Variants in RTN3 observed in about 807,000 individuals in gnomAD.
RTN3 encodes the protein reticulon 3, also known as reticulon-3.
Under a neutral mutation model 77.8 loss-of-function variants are expected in RTN3, and 49 were observed. The ratio of observed to expected loss-of-function variants is 0.63; its 90% CI spans 0.50 to 0.80. RTN3 has a LOEUF of 0.80. RTN3 is among the 30% of genes least tolerant of loss of function. The pLI, the probability that RTN3 is intolerant of heterozygous loss-of-function variation, is 0.00. For missense variants in RTN3, 1,236 were observed against 1,211.9 expected, an observed-to-expected ratio of 1.02 and a Z score of -0.29; for synonymous variants, 464 against 446.9, an observed-to-expected ratio of 1.04 and a Z score of -0.48.
intron 8 of RTN3, among the ~76,000 whole-genome samples, chr11:63,756,962 C>G (rs770911379): frequency 1.6e-4 from 25 of 152,138 alleles, no homozygotes; most frequent in Non-Finnish European, 3.2e-4. Flanking sequence ...GGGAGAATTG[C>G]TTGAACCTGG....
intron 1 of RTN3, among the ~76,000 whole-genome samples, chr11:63,692,724 G>A (rs1464893674): frequency 6.6e-6 from 1 of 151,582 alleles, no homozygotes; most frequent in Middle Eastern, 3.2e-3. Flanking sequence ...TCATGCCACT[G>A]CACTTCAGCC....
chr11:63,693,114 G>A (rs937197572), intron 1 of RTN3, among the ~76,000 whole-genome samples: 1 of 152,124 alleles, frequency 6.6e-6, no homozygotes, highest in Non-Finnish European at 1.5e-5. Flanking sequence ...CAAGCCCTTG[G>A]CTCATAAGAG....
chr11:63,735,605 T>TCTCTCTCTCTCTCTC (rs1367361695), intron 3 of RTN3, among the ~76,000 whole-genome samples: 17 of 149,318 alleles, frequency 1.1e-4, no homozygotes, highest in Middle Eastern at 3.5e-3. Context: ...TCTCTCTTTC[T>TCTCTCTCTCTCTCTC]TTCAACCCCT....
chr11:63,738,040 C>T (rs1045320363), intron 3 of RTN3, among the ~76,000 whole-genome samples: 1 of 152,170 alleles, frequency 6.6e-6, no homozygotes, highest in African/African-American at 2.4e-5. Context: ...AACACATCAC[C>T]TGACGTCTCT....
At chr11:63,724,898 G>T (rs571469491) in intron 3 of RTN3, among the ~76,000 whole-genome samples, 24 of 151,078 alleles carry the variant, frequency 1.6e-4, no homozygotes, top group African/African-American at 5.1e-4. Context: ...TTAGAGATTG[G>T]TTGAGTATAT....
At chr11:63,735,550 T>TTCTCTCTCTCTCTCCCTCTCTC (rs2013036497) in intron 3 of RTN3, among the ~76,000 whole-genome samples, 3 of 42,686 alleles carry the variant, frequency 7.0e-5, no homozygotes, top group African/African-American at 2.7e-4. Context: ...ATTCTAACAT[T>TTCTCTCTCTCTCTCCCTCTCTC]TCTCTCTCTC....
intron 2 of RTN3, among the ~76,000 whole-genome samples, chr11:63,712,083 G>T (rs555195469): frequency 1.3e-5 from 2 of 152,156 alleles, no homozygotes; most frequent in Non-Finnish European, 2.9e-5. Flanking sequence ...GTATTCAGAC[G>T]TTGCATCACC....
chr11:63,714,450 A>G (rs2011279158), intron 2 of RTN3: 1 of 150,838 alleles, frequency 6.6e-6, no homozygotes, highest in Non-Finnish European at 1.5e-5. Context: ...TTTTTTTAAT[A>G]TATCTCGTAG....
intron 1 of RTN3, among the ~76,000 whole-genome samples, chr11:63,697,810 A>G (rs1296545582): frequency 6.6e-6 from 1 of 151,960 alleles, no homozygotes; most frequent in African/African-American, 2.4e-5. Flanking sequence ...TCTTCTAGCA[A>G]TTTTGTGGGC....
intron 3 of RTN3, among the ~76,000 whole-genome samples, chr11:63,737,118 G>A (rs933143299): frequency 4.0e-5 from 6 of 151,804 alleles, no homozygotes; most frequent in African/African-American, 9.7e-5. Flanking sequence ...ACGGGTATAC[G>A]CCGCCATGCC....
At chr11:63,691,726 A>T (rs76013506) in intron 1 of RTN3, among the ~76,000 whole-genome samples, 1 of 152,094 alleles carries the variant, frequency 6.6e-6, no homozygotes, top group African/African-American at 2.4e-5. Flanking sequence ...CTTCAAAAAG[A>T]TATCCAAAGT....
At chr11:63,696,769 A>C (rs1332594198) in intron 1 of RTN3, among the ~76,000 whole-genome samples, 1 of 147,278 alleles carries the variant, frequency 6.8e-6, no homozygotes, top group African/African-American at 2.5e-5. Flanking sequence ...CTGGTCTCGA[A>C]CTCCTGACCT....
chr11:63,719,732 C>G lies in RTN3; in HGVS notation c.1230C>G (p.Leu410=), dbSNP rs749331386. The G allele has an allele frequency of 1.9e-6, 3 of 1,614,092 alleles. No homozygotes were observed. The highest frequency in any genetic ancestry group is 3.3e-5 in the Admixed American group (2 of 60,014). The change falls in exon 3 of 9, where the codon CTC becomes CTG. Residue 410 remains leucine, a synonymous_variant. Coordinates refer to ENST00000377819, the MANE Select transcript of RTN3 (RefSeq NM_001265589.2). ...CAGGTGATTGGGCAGAAGCATCTCTCCAGCAAGAAAATGCTATTACTGGAA... is the reference window on the plus strand; with the variant it reads ...CAGGTGATTGGGCAGAAGCATCTCTGCAGCAAGAAAATGCTATTACTGGAA... ...KSTGDWAEAS[L]QQENAITGKP...
chr11:63,706,232 A>G lies in RTN3; in HGVS notation c.199+1325A>G, dbSNP rs557475991. Among the ~76,000 whole-genome samples, 3 of 152,216 alleles carry G rather than the reference A, an allele frequency of 2.0e-5. No individual in the cohort carries two copies. In the South Asian group the frequency reaches 6.2e-4, roughly 32 times the overall value. Reference sequence around the variant, plus strand: ...GGTCTCACTCTGTCACCCTGGCTGAAGGGCAATGGCACTTCATTGAATTCA... The same window carrying G: ...GGTCTCACTCTGTCACCCTGGCTGAGGGGCAATGGCACTTCATTGAATTCA... On this transcript the variant is annotated intron_variant, in intron 2 of 8. Transcript: ENST00000377819.
At chr11:63,727,009 G>A (rs1025342718) in intron 3 of RTN3, among the ~76,000 whole-genome samples, 2 of 152,116 alleles carry the variant, frequency 1.3e-5, no homozygotes, top group Admixed American at 1.3e-4. Context: ...GGGCAGCATG[G>A]TGAAACCCCA....
rs1941074765 is a variant in RTN3, at chr11:63,681,904, G to A, written c.142+126G>A. On this transcript the variant is annotated intron_variant, in intron 1 of 8. Coordinates refer to ENST00000377819, the MANE Select transcript of RTN3 (RefSeq NM_001265589.2). Reference sequence around the variant, plus strand: ...CGACTACTGACGGCTTCAGCCCCCCGGGGACGAGCGTTTGGAAAATGGGCA... The same window carrying A: ...CGACTACTGACGGCTTCAGCCCCCCAGGGACGAGCGTTTGGAAAATGGGCA... 3 of 1,039,458 alleles carry A rather than the reference G, an allele frequency of 2.9e-6. No individual in the cohort carries two copies. In the South Asian group the frequency reaches 5.3e-5, roughly 18 times the overall value. 64.4% of individuals were successfully genotyped at this position (1,039,458 alleles called of 1,614,324 possible). A position where few individuals can be genotyped will look rare whatever the true frequency, so the allele number is the denominator to read the frequency against.
chr11:63,740,184 T>A (rs1590871572), intron 3 of RTN3, among the ~76,000 whole-genome samples: 1 of 152,244 alleles, frequency 6.6e-6, no homozygotes, highest in East Asian at 1.9e-4. Context: ...TTAATCATAG[T>A]TCTGATAGCG....
chr11:63,696,382 A>AC (rs1941939843), intron 1 of RTN3, among the ~76,000 whole-genome samples: 1 of 150,536 alleles, frequency 6.6e-6, no homozygotes, highest in East Asian at 2.0e-4. Flanking sequence ...GGGCAACAAA[A>AC]CAAGACTCTG....
chr11:63,716,143 T>C (rs2011385542), intron 2 of RTN3, among the ~76,000 whole-genome samples: 1 of 152,234 alleles, frequency 6.6e-6, no homozygotes, highest in Non-Finnish European at 1.5e-5. Context: ...AGTTATACTA[T>C]TTCTAAAGCT....
Sources: allele counts gnomAD v4.1 joint callset (sites outside exome capture counted in the v4.1 genomes callset), GRCh38; gene constraint gnomAD v4.1.1; transcripts MANE v1.5; gene names NCBI Gene and HGNC (gene_info 2026-07-23, HGNC 2026-07-21).